ANKS6: variants seen among roughly 807,000 people sequenced by gnomAD.
ANKS6 encodes ankyrin repeat and SAM domain-containing protein 6.
A neutral mutation model predicts 77.9 loss-of-function variants in ANKS6; 47 were observed. The ratio of observed to expected loss-of-function variants is 0.60; its 90% CI spans 0.48 to 0.77. The LOEUF is 0.77. Among genes scored for constraint, ANKS6 ranks in the 30% least tolerant of loss-of-function variants. The pLI is 0.00. For missense variants in ANKS6, 1,150 were observed against 1,159.1 expected, an observed-to-expected ratio of 0.99 and a Z score of 0.11; for synonymous variants, 488 against 501.7, an observed-to-expected ratio of 0.97 and a Z score of 0.37.
At position 98,796,196 on chromosome 9, in the gene ANKS6, C is replaced by G. The variant is rs1835166870; in HGVS notation, c.296G>C (p.Arg99Pro). 2 of 1,418,026 alleles carry G rather than the reference C, an allele frequency of 1.4e-6. No homozygotes were observed. The highest frequency in any genetic ancestry group is 1.8e-6 in the Non-Finnish European group (2 of 1,085,724). 87.8% of individuals were successfully genotyped at this position (1,418,026 alleles called of 1,614,324 possible). ...GHEPLVRFLL[R>P]RGASVNSRNH... Reference sequence around the variant, plus strand: ...GCGGCTGTTGACCGAGGCACCGCGGCGCAGCAGGAAGCGCACCAGCGGTTC... The same window carrying G: ...GCGGCTGTTGACCGAGGCACCGCGGGGCAGCAGGAAGCGCACCAGCGGTTC... The change falls in exon 1 of 15, where the codon CGC becomes CCC. Residue 99 changes from arginine to proline, a missense_variant. By Grantham distance (103) the Arg-to-Pro change is moderately radical. Transcript: ENST00000353234.
intron 1 of ANKS6, among the ~76,000 whole-genome samples, chr9:98,793,668 G>A (rs562914125): frequency 4.3e-4 from 65 of 151,686 alleles, no homozygotes; most frequent in Non-Finnish European, 8.1e-4. Context: ...CTACAGGTGC[G>A]TGCCACCATG....
intron 5 of ANKS6, among the ~76,000 whole-genome samples, chr9:98,781,478 T>C (rs555979803): frequency 1.3e-5 from 2 of 151,968 alleles, no homozygotes; most frequent in South Asian, 4.2e-4. Context: ...TGAGGTGGAG[T>C]AGGATCACTG....
Position 98,734,987 on chromosome 9 carries a change from C to G in ANKS6, c.*1532G>C, listed in dbSNP as rs753345816. 1.0e-6 allele frequency: 1 copy of G among 985,336 alleles called. No individual in the cohort carries two copies. The highest frequency in any genetic ancestry group is 6.1e-5 in the Admixed American group (1 of 16,264). The allele number at this position is 985,336 out of a possible 1,614,324, so 61.0% of individuals were successfully genotyped here. On this transcript the variant is annotated 3_prime_UTR_variant, in exon 15 of 15. Transcript: ENST00000353234. ...TACGAGGCTCTGGGCAGTAAGTTAA[C>G]GACAGCCTCTGAAAGCCAGCATAGG...
At chr9:98,782,418 T>C (rs1834322004) in intron 5 of ANKS6, 49 bp downstream of exon 5, 2 of 1,534,890 alleles carry the variant, frequency 1.3e-6, no homozygotes, top group Non-Finnish European at 1.8e-6. Flanking sequence ...TGACTCCCAG[T>C]CCAAGAAACG....
Position 98,732,463 on chromosome 9 carries a change from T to G in ANKS6, c.*4056A>C, listed in dbSNP as rs1475874052. On this transcript the variant is annotated 3_prime_UTR_variant, in exon 15 of 15. Coordinates refer to ENST00000353234, the MANE Select transcript of ANKS6 (RefSeq NM_173551.5). Reference sequence around the variant, plus strand: ...GGCAGGTCCATCGGCCACTCCTCACTTCTGTGGGCTCCGATGCCAGCAGAG... The same window carrying G: ...GGCAGGTCCATCGGCCACTCCTCACGTCTGTGGGCTCCGATGCCAGCAGAG... 6.5e-7 allele frequency: 1 copy of G among 1,548,196 alleles called. No homozygotes were observed. The highest frequency in any genetic ancestry group is 2.4e-5 in the East Asian group (1 of 40,898).
At chr9:98,786,832 A>C (rs1324267736) in intron 2 of ANKS6, among the ~76,000 whole-genome samples, 1 of 152,164 alleles carries the variant, frequency 6.6e-6, no homozygotes, top group African/African-American at 2.4e-5. Context: ...CATCTGACAC[A>C]AGTTAATCAC....
chr9:98,737,078 C>T (rs1831538804), intron 14 of ANKS6, among the ~76,000 whole-genome samples: 1 of 152,170 alleles, frequency 6.6e-6, no homozygotes, highest in Non-Finnish European at 1.5e-5. Context: ...CCGGATTTGT[C>T]TTCACAGAGA....
At chr9:98,748,886 C>T (rs557014131) in intron 13 of ANKS6, among the ~76,000 whole-genome samples, 15 of 152,292 alleles carry the variant, frequency 9.8e-5, no homozygotes, top group African/African-American at 3.4e-4. Flanking sequence ...GAATTAACTT[C>T]ATTCCTCTTC....
chr9:98,782,709 T>C, intron 4 of ANKS6, 136 bp from the exon 5 acceptor site: 4 of 658,352 alleles, frequency 6.1e-6, no homozygotes, highest in Non-Finnish European at 1.1e-5. Flanking sequence ...CAGTCTCACA[T>C]TCTCTCATTC....
chr9:98,757,475 T>A (rs1265263045), intron 11 of ANKS6, among the ~76,000 whole-genome samples: 2 of 152,246 alleles, frequency 1.3e-5, no homozygotes, highest in African/African-American at 4.8e-5. Flanking sequence ...CATAATTAGA[T>A]GTGCTTGTGA....
chr9:98,745,446 T>C, intron 14 of ANKS6, 113 bp downstream of exon 14: 1 of 973,948 alleles, frequency 1.0e-6, no homozygotes, highest in East Asian at 2.4e-5. Context: ...TGGGAGGTAG[T>C]GAGTGCTTGC....
chr9:98,736,477 C>A lies in ANKS6; in HGVS notation c.*42G>T. On this transcript the variant is annotated 3_prime_UTR_variant, in exon 15 of 15. Transcript: ENST00000353234. Reference sequence around the variant, plus strand: ...GGGCTGTGGCCACGTGAAGGGGTCCCGGGATTCAGAGAGCTCACGCTGGTG... The same window carrying A: ...GGGCTGTGGCCACGTGAAGGGGTCCAGGGATTCAGAGAGCTCACGCTGGTG... 6.4e-7 allele frequency: 1 copy of A among 1,563,232 alleles called. No individual in the cohort carries two copies. Among genetic ancestry groups the A allele is most frequent in the East Asian group, 2.3e-5 (1 of 43,438 alleles).
intron 3 of ANKS6, 135 bp from the exon 4 acceptor site, chr9:98,784,292 C>A: frequency 1.3e-6 from 1 of 773,972 alleles, no homozygotes. Flanking sequence ...ATAGGGGATA[C>A]TAAGAGGGCG....
intron 8 of ANKS6, among the ~76,000 whole-genome samples, chr9:98,774,771 A>T (rs1476582868): frequency 2.0e-5 from 3 of 152,258 alleles, no homozygotes; most frequent in Non-Finnish European, 4.4e-5. Context: ...CACAGTAATG[A>T]CTGTTAGATC....
At chr9:98,784,578 T>G in intron 3 of ANKS6, 1 of 486,388 alleles carries the variant, frequency 2.1e-6, no homozygotes, top group Non-Finnish European at 3.6e-6. Context: ...GAGAGGCATT[T>G]CAGATGCAGG....
At chr9:98,778,457 C>T in intron 6 of ANKS6, 33 bp from the exon 7 acceptor site, 1 of 1,605,888 alleles carries the variant, frequency 6.2e-7, no homozygotes, top group Non-Finnish European at 8.5e-7. Flanking sequence ...AAGTCATGCT[C>T]CAGGAAGGGC....
At chr9:98,764,814 A>T (rs1833184661) in intron 11 of ANKS6, among the ~76,000 whole-genome samples, 1 of 152,238 alleles carries the variant, frequency 6.6e-6, no homozygotes, top group Admixed American at 6.5e-5. Flanking sequence ...TATTAATCAC[A>T]GTTATTTAAA....
At chr9:98,739,780 G>A (rs573503272) in intron 14 of ANKS6, among the ~76,000 whole-genome samples, 161 of 8,332 alleles carry the variant, frequency 0.019, 2 homozygotes, top group African/African-American at 0.19. Flanking sequence ...TTTTTGAGAC[G>A]GAGTCTTGCT....
intron 14 of ANKS6, among the ~76,000 whole-genome samples, chr9:98,737,545 C>A (rs969140333): frequency 5.3e-5 from 8 of 151,958 alleles, no homozygotes; most frequent in African/African-American, 1.9e-4. Context: ...AAGACCTCTA[C>A]AAGGAAAACT....
Sources: allele counts gnomAD v4.1 joint callset (sites outside exome capture counted in the v4.1 genomes callset), GRCh38; gene constraint gnomAD v4.1.1; transcripts MANE v1.5; gene names NCBI Gene and HGNC (gene_info 2026-07-23, HGNC 2026-07-21).